The following CCDC68 variants were observed in gnomAD, a reference collection of about 807,000 sequenced individuals.
CCDC68 encodes coiled-coil domain-containing protein 68.
In CCDC68, 45 loss-of-function variants were observed where a neutral mutation model predicts 47.1. The observed-to-expected ratio is 0.96, with a 90% CI of 0.75 to 1.23. The LOEUF (loss-of-function observed/expected upper bound fraction) is 1.23. CCDC68 is among the 50% of genes most tolerant of loss of function. The pLI is 0.00. For missense variants in CCDC68, 353 were observed against 373.6 expected (o/e 0.94, Z 0.45); for synonymous variants, 131 against 129.5 (o/e 1.01, Z -0.08).
At chr18:54,952,809 T>G (rs910109086) in intron 1 of CCDC68, among the ~76,000 whole-genome samples, 4 of 152,120 alleles carry the variant, frequency 2.6e-5, no homozygotes, top group African/African-American at 7.2e-5. Context: ...GGTCAGGAGA[T>G]CGAGAGCAGA....
At chr18:54,947,085 G>A (rs550957341) in intron 1 of CCDC68, among the ~76,000 whole-genome samples, 19 of 152,294 alleles carry the variant, frequency 1.2e-4, no homozygotes, top group East Asian at 7.7e-4. Context: ...ATAAGCCGGC[G>A]AAGTCCAAAT....
At chr18:54,949,745 C>T (rs879382340) in intron 1 of CCDC68, among the ~76,000 whole-genome samples, 1 of 152,184 alleles carries the variant, frequency 6.6e-6, no homozygotes. Flanking sequence ...CTCCCTGGAG[C>T]TGGGGCACAG....
At chr18:54,957,712 T>G (rs2145685264) in intron 1 of CCDC68, among the ~76,000 whole-genome samples, 1 of 151,968 alleles carries the variant, frequency 6.6e-6, no homozygotes, top group South Asian at 2.1e-4. Context: ...TGACATTCAT[T>G]TAAACGTGTT....
intron 2 of CCDC68, among the ~76,000 whole-genome samples, chr18:54,944,837 A>G (rs563459209): frequency 3.3e-5 from 5 of 152,336 alleles, no homozygotes; most frequent in African/African-American, 1.2e-4. Context: ...TGAATATTTA[A>G]TGAGGAAACT....
Position 54,904,390 on chromosome 18 carries a change from G to A in CCDC68, c.976C>T (p.Pro326Ser). ...CGTAACCTAATCAACATTAAATAAGGGGAAACACCTTCGGTCTTCAATTCA... is the reference window on the plus strand; with the variant it reads ...CGTAACCTAATCAACATTAAATAAGAGGAAACACCTTCGGTCTTCAATTCA... ...TSELKTEGVS[P>S]YLMLIRLRK is the part of the protein sequence containing the mutation. The change falls in exon 12 of 12, where the codon CCT (proline) becomes TCT (serine). Residue 326 changes from proline (P) to serine (S), a missense_variant. Coordinates refer to ENST00000591504, the MANE Select transcript of CCDC68 (RefSeq NM_025214.3). 1 of 1,613,434 alleles carries A rather than the reference G, an allele frequency of 6.2e-7. No homozygotes were observed. Among genetic ancestry groups the A allele is most frequent in the South Asian group, 1.1e-5 (1 of 91,030 alleles).
chr18:54,909,208 G>T (rs1259318589), intron 10 of CCDC68, among the ~76,000 whole-genome samples: 2 of 152,100 alleles, frequency 1.3e-5, no homozygotes, highest in Non-Finnish European at 2.9e-5. Context: ...GAGCAATGCT[G>T]AGTTGCCAGT....
At chr18:54,958,966 AC>A (rs975929585) in intron 1 of CCDC68, among the ~76,000 whole-genome samples, 1 of 152,220 alleles carries the variant, frequency 6.6e-6, no homozygotes, top group Non-Finnish European at 1.5e-5. Flanking sequence ...CAGGGCGTTT[AC>A]CGCAGGACTT....
Position 54,919,277 on chromosome 18 carries a change from G to A in CCDC68, c.783C>T (p.Ile261=). The A allele has an allele frequency of 6.2e-7, 1 of 1,611,738 alleles. No homozygotes were observed. Among genetic ancestry groups the A allele is most frequent in the Non-Finnish European group, 8.5e-7 (1 of 1,177,902 alleles). The change falls in exon 9 of 12, where the codon ATC becomes ATT. Residue 261 remains isoleucine (I), a synonymous_variant. Coordinates refer to ENST00000591504, the MANE Select transcript of CCDC68 (RefSeq NM_025214.3). ...HSQHQNLRSV[I]QEMEGLKNNL... is the part of the protein sequence containing the mutation. ...TACACTTGATTAATCTGACCTCCTG[G>A]ATGACACTGCGCAGGTTCTGATGTT...
At chr18:54,948,755 T>G (rs1282568472) in intron 1 of CCDC68, among the ~76,000 whole-genome samples, 4 of 147,374 alleles carry the variant, frequency 2.7e-5, no homozygotes, top group African/African-American at 1.0e-4. Flanking sequence ...ATAGAGGGAG[T>G]CTAAGGGAGG....
chr18:54,952,470 G>A (rs1459524979), intron 1 of CCDC68, among the ~76,000 whole-genome samples: 1 of 152,200 alleles, frequency 6.6e-6, no homozygotes, highest in Non-Finnish European at 1.5e-5. Flanking sequence ...GTTCTGGTGA[G>A]GATGTGGAAC....
rs547976686 is a variant in CCDC68 at position 54,949,501 on chromosome 18, G to C, written c.-102-4024C>G. Among the ~76,000 whole-genome samples, 3 of 152,344 alleles carry C rather than the reference G, an allele frequency of 2.0e-5. No individual in the cohort carries two copies. In the South Asian group the frequency reaches 6.2e-4, roughly 32 times the overall value. The stretch of plus-strand genomic sequence containing the variant: ...ATTGAGGCAAAGACAGAGTGAAGCT[G>C]TCAGGTACTGCAAGGTGTAAACAAC... On this transcript the variant is annotated intron_variant, in intron 1 of 11. Coordinates refer to ENST00000591504, the MANE Select transcript of CCDC68 (RefSeq NM_025214.3).
At chr18:54,912,803 G>A (rs1337341677) in intron 10 of CCDC68, among the ~76,000 whole-genome samples, 1 of 152,082 alleles carries the variant, frequency 6.6e-6, no homozygotes, top group African/African-American at 2.4e-5. Flanking sequence ...GAAAGGAGAC[G>A]CAAAGACACG....
rs146496305 is a variant in CCDC68, at chr18:54,920,224, T to G, written c.684-848A>C. Among the ~76,000 whole-genome samples, 990 of 120,080 alleles carry G rather than the reference T, an allele frequency of 8.2e-3. 10 individuals are homozygous for G. Among genetic ancestry groups the G allele is most frequent in the African/African-American group, 0.028 (877 of 31,586 alleles). 78.8% of individuals were successfully genotyped at this position (120,080 alleles called of 152,430 possible). On this transcript the variant is annotated intron_variant, in intron 8 of 11. Transcript: ENST00000591504. ...TATCCAATGTCATCCCAATTCTGTT[T>G]CTTTCTTTTTTCTTTTTTTTTTTTT...
rs1455263495 is a variant in CCDC68 at position 54,904,263 on chromosome 18, G to A, written c.*95C>T. 3 of 932,350 alleles carry A rather than the reference G, an allele frequency of 3.2e-6. No individual in the cohort carries two copies. The highest frequency in any genetic ancestry group is 5.2e-6 in the Non-Finnish European group (3 of 580,568). The allele number at this position is 932,350 out of a possible 1,614,324, so 57.8% of individuals were successfully genotyped here. Reference sequence around the variant, plus strand: ...ATGTAATAAGTTCCATTTAAATAATGGCATTTTGCCATTTTAACATGAAAC... The same window carrying A: ...ATGTAATAAGTTCCATTTAAATAATAGCATTTTGCCATTTTAACATGAAAC... On this transcript the variant is annotated 3_prime_UTR_variant, in exon 12 of 12. Coordinates refer to ENST00000591504, the MANE Select transcript of CCDC68 (RefSeq NM_025214.3).
intron 7 of CCDC68, among the ~76,000 whole-genome samples, chr18:54,934,452 T>A (rs1233397615): frequency 6.6e-6 from 1 of 152,174 alleles, no homozygotes; most frequent in African/African-American, 2.4e-5. Context: ...AAAAATGCTG[T>A]GATTACAGGG....
Position 54,904,397 on chromosome 18 carries a change from A to T in CCDC68, c.969T>A (p.Gly323=). The T allele has an allele frequency of 3.1e-6, 5 of 1,613,576 alleles. No homozygotes were observed. Among genetic ancestry groups the T allele is most frequent in the Non-Finnish European group, 4.2e-6 (5 of 1,179,540 alleles). ...AVSTSELKTE[G]VSPYLMLIRL... ...TAATCAACATTAAATAAGGGGAAAC[A>T]CCTTCGGTCTTCAATTCACTGTAGA... Residue 323 remains glycine (G), a synonymous_variant, in exon 12 of 12, where the codon GGT becomes GGA. Coordinates refer to ENST00000591504, the MANE Select transcript of CCDC68 (RefSeq NM_025214.3).
chr18:54,945,788 G>A lies in CCDC68; in HGVS notation c.-102-311C>T, dbSNP rs77955395. Among the ~76,000 whole-genome samples the A allele has an allele frequency of 4.5e-3, 683 of 152,298 alleles. 5 individuals carry two copies. Among genetic ancestry groups the A allele is most frequent in the African/African-American group, 0.015 (641 of 41,566 alleles). On this transcript the variant is annotated intron_variant, in intron 1 of 11. Coordinates refer to ENST00000591504, the MANE Select transcript of CCDC68 (RefSeq NM_025214.3). The stretch of plus-strand genomic sequence containing the variant: ...TTTTGCAAACTGTGAATGGAAGTAC[G>A]TCTCTTACTGGGTCCTCTGAAGTAT...
At chr18:54,941,154 TTACAGGG>T in intron 3 of CCDC68, 71 bp from the exon 4 acceptor site, 1 of 952,912 alleles carries the variant, frequency 1.0e-6, no homozygotes, top group Non-Finnish European at 1.7e-6. Context: ...TCAATACCAG[TTACAGGG>T]TACCTGATTA....
At chr18:54,923,135 A>T (rs766852291) in intron 8 of CCDC68, among the ~76,000 whole-genome samples, 33 of 152,178 alleles carry the variant, frequency 2.2e-4, no homozygotes, top group Non-Finnish European at 4.3e-4. Context: ...GCTATGACCC[A>T]CTTAATGGTC....
Sources: gnomAD v4.1 joint callset for allele counts (sites outside exome capture counted in the v4.1 genomes callset) on GRCh38, gnomAD v4.1.1 for gene constraint, MANE v1.5 for transcripts, NCBI Gene and HGNC (gene_info 2026-07-23, HGNC 2026-07-21) for gene names.